The following NWD1 variants were observed in gnomAD, a reference collection of about 807,000 sequenced individuals.
The protein encoded by NWD1 is NACHT domain- and WD repeat-containing protein 1.
Under a neutral mutation model 135.1 loss-of-function variants are expected in NWD1, and 129 were observed. The ratio of observed to expected loss-of-function variants is 0.96; its 90% confidence interval spans 0.83 to 1.11. The LOEUF (loss-of-function observed/expected upper bound fraction) is 1.11, where lower values mean the gene tolerates loss of function less well. NWD1 is among the 50% of genes least tolerant of loss of function. The pLI is 0.00. For synonymous variants in NWD1, 773 were observed against 786.0 expected (o/e 0.98, Z 0.28); for missense variants, 1,740 against 1,851.3 (o/e 0.94, Z 1.10).
At chr19:16,759,758 G>A (rs148016030) in intron 7 of NWD1, among the ~76,000 whole-genome samples, 1 of 152,096 alleles carries the variant, frequency 6.6e-6, no homozygotes, top group African/African-American at 2.4e-5. Context: ...ACTTTGGGAG[G>A]CTGAGGTGGC....
chr19:16,740,774 G>T (rs1395027081), intron 4 of NWD1, among the ~76,000 whole-genome samples: 2 of 151,776 alleles, frequency 1.3e-5, no homozygotes, highest in Non-Finnish European at 2.9e-5. Context: ...ACTGGCCCAG[G>T]TTAACTCTTT....
chr19:16,740,945 G>A (rs1032006636), intron 4 of NWD1, among the ~76,000 whole-genome samples: 18 of 152,148 alleles, frequency 1.2e-4, no homozygotes, highest in African/African-American at 4.3e-4. Context: ...GATCACTTGA[G>A]GTCAGGAATT....
Position 16,807,755 on chromosome 19 carries a change from C to T in NWD1, c.3906C>T (p.Ile1302=), listed in dbSNP as rs773344565. 6.2e-7 allele frequency: 1 copy of T among 1,613,132 alleles called. No homozygotes were observed. Among genetic ancestry groups the T allele is most frequent in the African/African-American group, 1.3e-5 (1 of 74,880 alleles). Residue 1302 remains isoleucine (I), a synonymous_variant, in exon 18 of 19, where the codon ATC becomes ATT. Transcript: ENST00000524140. ...CIPPPEARKA[I]NCMSLSKCED... ...CCCCTCCCGAGGCCCGGAAAGCAAT[C>T]AACTGCATGTCCCTGAGCAAGTGCG...
chr19:16,799,878 T>G lies in NWD1; in HGVS notation c.3460-8T>G, dbSNP rs1238736912. Reference sequence around the variant, plus strand: ...TGTCAGATCTGCCCTCCTGTTCTGCTTCCTCAGGTGTGGAGTCTGTCAGAA... The same window carrying G: ...TGTCAGATCTGCCCTCCTGTTCTGCGTCCTCAGGTGTGGAGTCTGTCAGAA... On this transcript the variant is annotated splice_polypyrimidine_tract_variant and splice_region_variant and intron_variant, in intron 16 of 18. Transcript: ENST00000524140. 3 of 1,591,424 alleles carry G rather than the reference T, an allele frequency of 1.9e-6. No individual in the cohort carries two copies. Among genetic ancestry groups the G allele is most frequent in the Admixed American group, 3.6e-5 (2 of 56,208 alleles).
At chr19:16,810,471 G>A (rs971262275) in intron 18 of NWD1, among the ~76,000 whole-genome samples, 3 of 144,208 alleles carry the variant, frequency 2.1e-5, no homozygotes, top group Admixed American at 7.1e-5. Flanking sequence ...AGAAAAAGAA[G>A]GCCTTGTAAG....
intron 18 of NWD1, 51 bp downstream of exon 18, chr19:16,808,187 TGATA>T (rs760300236): frequency 1.0e-5 from 16 of 1,524,748 alleles, no homozygotes; most frequent in Admixed American, 3.4e-5. Context: ...ATTGGAAAAC[TGATA>T]GATAGCCATC....
intron 18 of NWD1, among the ~76,000 whole-genome samples, chr19:16,811,148 C>T (rs1970912287): frequency 2.0e-5 from 3 of 152,212 alleles, no homozygotes; most frequent in African/African-American, 7.2e-5. Flanking sequence ...ACCAGCTTTT[C>T]AATTCATTCC....
At position 16,742,391 on chromosome 19, in the gene NWD1, T is replaced by A. The variant is rs552304803; in HGVS notation, c.199-2030T>A. ...TTCCATCTCAAAAAAATAAAATAAA[T>A]AATAAATAAATAAATATCTGTGGGC... On this transcript the variant is annotated intron_variant, in intron 4 of 18. Coordinates refer to ENST00000524140, the MANE Select transcript of NWD1 (RefSeq NM_001007525.5). Among the ~76,000 whole-genome samples, 168 of 151,884 alleles carry A rather than the reference T, an allele frequency of 1.1e-3. 2 individuals carry two copies. Among genetic ancestry groups the A allele is most frequent in the African/African-American group, 3.9e-3 (162 of 41,454 alleles).
chr19:16,765,977 A>G (rs1004667978), intron 10 of NWD1, among the ~76,000 whole-genome samples: 27 of 148,262 alleles, frequency 1.8e-4, no homozygotes, highest in Non-Finnish European at 3.6e-4. Context: ...AGATCGCACC[A>G]CTGCACTCCA....
chr19:16,759,114 A>C, intron 6 of NWD1, 111 bp from the exon 7 acceptor site: 1 of 799,490 alleles, frequency 1.3e-6, no homozygotes, highest in Non-Finnish European at 2.1e-6. Flanking sequence ...ATCCCAGGTG[A>C]TGTGCTGGAC....
At chr19:16,793,345 C>A (rs535210300) in intron 14 of NWD1, among the ~76,000 whole-genome samples, 3 of 152,070 alleles carry the variant, frequency 2.0e-5, no homozygotes, top group African/African-American at 7.2e-5. Flanking sequence ...GACGTCCTCT[C>A]GCCTCAGCCT....
intron 6 of NWD1, among the ~76,000 whole-genome samples, chr19:16,751,007 A>C (rs1036988367): frequency 2.0e-5 from 3 of 152,100 alleles, no homozygotes; most frequent in Admixed American, 2.0e-4. Flanking sequence ...GGATCACCCA[A>C]GGTTGGGAGT....
At chr19:16,724,998 ATTTTTATTTAT>A (rs1568329777) in intron 2 of NWD1, among the ~76,000 whole-genome samples, 1 of 117,586 alleles carries the variant, frequency 8.5e-6, no homozygotes, top group Non-Finnish European at 1.9e-5. Flanking sequence ...CTAGCCAAAA[ATTTTTATTTAT>A]TTTTTATTTT....
At chr19:16,738,913 C>T (rs75960571) in intron 4 of NWD1, among the ~76,000 whole-genome samples, 9,307 of 138,958 alleles carry the variant, frequency 0.067, 490 homozygotes, top group African/African-American at 0.16. Context: ...ACTCCTTTTT[C>T]TTTGAGACAA....
intron 10 of NWD1, among the ~76,000 whole-genome samples, chr19:16,769,929 C>G (rs1300950728): frequency 6.6e-6 from 1 of 152,234 alleles, no homozygotes; most frequent in Non-Finnish European, 1.5e-5. Flanking sequence ...CTTCAAACTC[C>G]TGGGCTCCAG....
chr19:16,815,272 T>C lies in NWD1; in HGVS notation c.*233T>C. On this transcript the variant is annotated 3_prime_UTR_variant, in exon 19 of 19. Coordinates refer to ENST00000524140, the MANE Select transcript of NWD1 (RefSeq NM_001007525.5). ...CTCCCCAGGACTTGGAGTCAGAAAG[T>C]GCCCAGGGAAATGAAACCAAATCAA... The C allele has an allele frequency of 1.3e-6, 1 of 781,146 alleles. No individual in the cohort carries two copies. Among genetic ancestry groups the C allele is most frequent in the Non-Finnish European group, 2.4e-6 (1 of 418,286 alleles). The allele number at this position is 781,146 out of a possible 1,614,324, so 48.4% of individuals were successfully genotyped here.
intron 12 of NWD1, among the ~76,000 whole-genome samples, chr19:16,788,765 G>C (rs761661878): frequency 1.3e-5 from 2 of 152,050 alleles, no homozygotes; most frequent in Non-Finnish European, 2.9e-5. Flanking sequence ...GCATACAAGC[G>C]TGAGAACTCT....
intron 16 of NWD1, among the ~76,000 whole-genome samples, chr19:16,799,559 T>G (rs1394266989): frequency 6.6e-6 from 1 of 152,100 alleles, no homozygotes; most frequent in Non-Finnish European, 1.5e-5. Context: ...CAGGCTTGCG[T>G]GCAATGGCAC....
At chr19:16,721,069 C>T (rs12976285) in intron 1 of NWD1, among the ~76,000 whole-genome samples, 44,368 of 151,910 alleles carry the variant, frequency 0.29, 6,632 homozygotes, top group Middle Eastern at 0.38. Flanking sequence ...AGGCTGGTCT[C>T]GAACTCCTGG....
Sources: allele counts gnomAD v4.1 joint callset (sites outside exome capture counted in the v4.1 genomes callset), GRCh38; gene constraint gnomAD v4.1.1; transcripts MANE v1.5; gene names NCBI Gene and HGNC (gene_info 2026-07-23, HGNC 2026-07-21).